ASB4: variants seen among roughly 807,000 people sequenced by gnomAD.
ASB4 encodes ankyrin repeat and SOCS box containing 4.
Under a neutral mutation model 38.6 loss-of-function variants are expected in ASB4, and 35 were observed. The observed-to-expected ratio is 0.91, with a 90% CI of 0.69 to 1.20. The LOEUF is 1.20. Ranked by LOEUF, ASB4 falls within the 50% of genes most tolerant of loss-of-function variation. The pLI is 0.00. For synonymous variants in ASB4, 195 were observed against 201.3 expected (o/e 0.97, Z 0.26); for missense variants, 557 against 527.2 (o/e 1.06, Z -0.55).
chr7:95,535,366 G>A (rs1472050173), intron 3 of ASB4, among the ~76,000 whole-genome samples: 1 of 152,200 alleles, frequency 6.6e-6, no homozygotes, highest in Non-Finnish European at 1.5e-5. Flanking sequence ...CTCTTCTAAT[G>A]CCTCACCTAA....
chr7:95,505,073 G>A (rs62467679), intron 2 of ASB4, among the ~76,000 whole-genome samples: 12,169 of 152,184 alleles, frequency 0.08, 559 homozygotes, highest in Non-Finnish European at 0.096. Context: ...TTCTGCTCTC[G>A]TCACAGTCTC....
At chr7:95,548,274 TAA>T in the ASB4 span, among the ~76,000 whole-genome samples, 1 of 152,242 alleles carries the variant, frequency 6.6e-6, no homozygotes, top group Non-Finnish European at 1.5e-5. Context: ...TAAATAGTGA[TAA>T]GTCTCTGTAC....
intron 1 of ASB4, among the ~76,000 whole-genome samples, chr7:95,495,258 A>G (rs1271552662): frequency 6.6e-6 from 1 of 152,200 alleles, no homozygotes; most frequent in Non-Finnish European, 1.5e-5. Context: ...GATTAAATAT[A>G]TTCATATGTT....
At chr7:95,536,636 T>C in intron 4 of ASB4, 86 bp downstream of exon 4, 1 of 1,020,076 alleles carries the variant, frequency 9.8e-7, no homozygotes, top group Non-Finnish European at 1.4e-6. Context: ...AACAAAAAAG[T>C]TGGTTTTGAG....
At chr7:95,515,305 C>CTT (rs758930769) in intron 2 of ASB4, among the ~76,000 whole-genome samples, 9 of 122,548 alleles carry the variant, frequency 7.3e-5, no homozygotes, top group Non-Finnish European at 1.0e-4. Flanking sequence ...TTCTTTCTTT[C>CTT]TTTCTTTCTT....
chr7:95,549,931 A>G, the ASB4 span, among the ~76,000 whole-genome samples: 1 of 152,196 alleles, frequency 6.6e-6, no homozygotes, highest in Admixed American at 6.5e-5. Flanking sequence ...AGCAAGGAGC[A>G]CTGGTGTTAA....
At chr7:95,530,105 CAAAAA>C (rs60923712) in intron 3 of ASB4, among the ~76,000 whole-genome samples, 1 of 99,706 alleles carries the variant, frequency 1.0e-5, no homozygotes. Context: ...AAAAGCAGGG[CAAAAA>C]AAAAAAAAAA....
chr7:95,493,411 G>A (rs919343402), intron 1 of ASB4, among the ~76,000 whole-genome samples: 6 of 149,748 alleles, frequency 4.0e-5, no homozygotes, highest in Non-Finnish European at 8.9e-5. Context: ...TGTGTGTATA[G>A]CTAGGTTGGA....
chr7:95,475,106 T>G (rs1789963928), upstream of ASB4, among the ~76,000 whole-genome samples: 1 of 152,102 alleles, frequency 6.6e-6, no homozygotes, highest in Non-Finnish European at 1.5e-5. Context: ...AGAACTCAGA[T>G]CTCACTCATA....
At chr7:95,518,826 A>G (rs1790621269) in intron 2 of ASB4, among the ~76,000 whole-genome samples, 1 of 152,186 alleles carries the variant, frequency 6.6e-6, no homozygotes, top group African/African-American at 2.4e-5. Flanking sequence ...CCATCCACAA[A>G]GGTTTTGCAG....
chr7:95,496,602 T>C (rs1404709837), intron 2 of ASB4, among the ~76,000 whole-genome samples: 3 of 151,714 alleles, frequency 2.0e-5, no homozygotes, highest in Non-Finnish European at 2.9e-5. Flanking sequence ...GTACCAGAAG[T>C]TTTGGAGGCT....
chr7:95,489,053 G>T (rs1302168511), intron 1 of ASB4, among the ~76,000 whole-genome samples: 1 of 152,000 alleles, frequency 6.6e-6, no homozygotes, highest in Non-Finnish European at 1.5e-5. Flanking sequence ...ATTTTTATAG[G>T]ATTTAAGAAG....
At chr7:95,515,648 T>C (rs1790574218) in intron 2 of ASB4, among the ~76,000 whole-genome samples, 1 of 152,176 alleles carries the variant, frequency 6.6e-6, no homozygotes, top group African/African-American at 2.4e-5. Context: ...TCTCTTGACC[T>C]TGTGATCCCC....
At chr7:95,513,854 T>G (rs2116620387) in intron 2 of ASB4, among the ~76,000 whole-genome samples, 1 of 152,330 alleles carries the variant, frequency 6.6e-6, no homozygotes, top group South Asian at 2.1e-4. Flanking sequence ...TGCTATAATG[T>G]AAGTGATTTC....
chr7:95,527,011 A>G (rs1406115124), intron 2 of ASB4, among the ~76,000 whole-genome samples: 2 of 152,260 alleles, frequency 1.3e-5, no homozygotes, highest in Non-Finnish European at 2.9e-5. Flanking sequence ...GAGCTTTCCA[A>G]GTACAAAAAA....
the ASB4 span, among the ~76,000 whole-genome samples, chr7:95,548,899 T>G: frequency 1.1e-4 from 17 of 152,316 alleles, no homozygotes; most frequent in Non-Finnish European, 2.2e-4. Context: ...AATACTATTA[T>G]TTTTATTTTA....
chr7:95,536,615 C>T, intron 4 of ASB4, 65 bp downstream of exon 4: 1 of 1,197,642 alleles, frequency 8.3e-7, no homozygotes, highest in Non-Finnish European at 1.2e-6. Context: ...TCTAGAAGTA[C>T]AGAAAATTGT....
chr7:95,540,657 G>A (rs564696259), downstream of ASB4, among the ~76,000 whole-genome samples: 5 of 152,106 alleles, frequency 3.3e-5, no homozygotes, highest in Admixed American at 1.3e-4. Flanking sequence ...CTGTCTTGAA[G>A]AAAAAAACAA....
At position 95,528,282 on chromosome 7, in the gene ASB4, A is replaced by G. The variant is rs1323597966; in HGVS notation, c.957A>G (p.Ile319Met). 1 of 1,614,092 alleles carries G rather than the reference A, an allele frequency of 6.2e-7. No homozygotes were observed. Among genetic ancestry groups the G allele is most frequent in the Admixed American group, 1.7e-5 (1 of 60,024 alleles). The change falls in exon 3 of 5, where the codon ATA becomes ATG. Residue 319 changes from isoleucine to methionine, a missense_variant. By Grantham distance (10) the Ile-to-Met change is conservative (BLOSUM62 1). Coordinates refer to ENST00000325885, the MANE Select transcript of ASB4 (RefSeq NM_016116.3). ...TGTTGAACCATGGGGCTGCCCGAATATACCCTCCACAGTTCCATAAGGTGA... is the reference window on the plus strand; with the variant it reads ...TGTTGAACCATGGGGCTGCCCGAATGTACCCTCCACAGTTCCATAAGGTGA... Reference protein sequence around the residue: ...QLLLNHGAARIYPPQFHKVIQ... With the variant: ...QLLLNHGAARMYPPQFHKVIQ...
Sources: gnomAD v4.1 joint callset for allele counts (sites outside exome capture counted in the v4.1 genomes callset) on GRCh38, gnomAD v4.1.1 for gene constraint, MANE v1.5 for transcripts, NCBI Gene and HGNC (gene_info 2026-07-23, HGNC 2026-07-21) for gene names.